The following RPS6KC1 variants were observed in gnomAD, a reference collection of about 807,000 sequenced individuals.
The protein encoded by RPS6KC1 is ribosomal protein S6 kinase C1.
RPS6KC1 carries 54 observed loss-of-function variants against 103.8 expected under a neutral mutation model. The ratio of observed to expected loss-of-function variants is 0.52; its 90% CI spans 0.42 to 0.65. RPS6KC1 has a LOEUF of 0.65. Ranked by LOEUF, RPS6KC1 falls within the 30% of genes least tolerant of loss-of-function variation. The pLI, the probability that RPS6KC1 is intolerant of heterozygous loss-of-function variation, is 0.00. For synonymous variants in RPS6KC1, 439 were observed against 438.7 expected, an observed-to-expected ratio of 1.00 and a Z score of -0.01; for missense variants, 1,151 against 1,253.8, an observed-to-expected ratio of 0.92 and a Z score of 1.24.
chr1:213,390,542 TA>T, the RPS6KC1 span, among the ~76,000 whole-genome samples: 1 of 152,206 alleles, frequency 6.6e-6, no homozygotes, highest in Admixed American at 6.5e-5. Context: ...AAGAGTTTGC[TA>T]TTTGCAAAAC....
At chr1:213,360,864 A>T in the RPS6KC1 span, among the ~76,000 whole-genome samples, 21 of 152,246 alleles carry the variant, frequency 1.4e-4, no homozygotes, top group Middle Eastern at 3.2e-3. Context: ...CGGAGGCTGC[A>T]GAACAGCGAA....
chr1:213,417,459 C>T, the RPS6KC1 span, among the ~76,000 whole-genome samples: 1 of 152,148 alleles, frequency 6.6e-6, no homozygotes, highest in East Asian at 1.9e-4. Context: ...TTGCATCGAG[C>T]TTCCTTTTGT....
At chr1:213,648,691 G>A in the RPS6KC1 span, among the ~76,000 whole-genome samples, 1 of 151,954 alleles carries the variant, frequency 6.6e-6, no homozygotes, top group African/African-American at 2.4e-5. Flanking sequence ...TCATGGGGAT[G>A]GGCCATCTCC....
At chr1:213,380,283 A>G in the RPS6KC1 span, among the ~76,000 whole-genome samples, 5 of 152,214 alleles carry the variant, frequency 3.3e-5, no homozygotes, top group South Asian at 2.1e-4. Flanking sequence ...ATGCGAACAC[A>G]TGGACACAGC....
At chr1:213,214,198 G>C (rs1295630192) in intron 8 of RPS6KC1, among the ~76,000 whole-genome samples, 1 of 152,242 alleles carries the variant, frequency 6.6e-6, no homozygotes, top group African/African-American at 2.4e-5. Context: ...CTTTTCCAAC[G>C]GTCTTAGCAA....
chr1:213,850,480 A>G, the RPS6KC1 span, among the ~76,000 whole-genome samples: 4 of 152,174 alleles, frequency 2.6e-5, no homozygotes, highest in African/African-American at 9.7e-5. Context: ...ACCCTGCTAC[A>G]CAGGACACTA....
rs192032995 is a variant in RPS6KC1 at position 213,073,773 on chromosome 1, T to G, written c.141+2732T>G. ...TCACTGCAACCTCGGCCTCCCGGGC[T>G]CAAGTGATTCTCCTGCCTCAGCCTC... On this transcript the variant is annotated intron_variant, in intron 2 of 14. Coordinates refer to ENST00000366960, the MANE Select transcript of RPS6KC1 (RefSeq NM_012424.6). 2.2e-3 allele frequency among the ~76,000 whole-genome samples: 328 copies of G among 152,248 alleles called. 6 individuals carry two copies. The highest frequency in any genetic ancestry group is 2.7e-3 in the Non-Finnish European group (184 of 68,004).
At chr1:213,221,910 T>C (rs2093842301) in intron 8 of RPS6KC1, among the ~76,000 whole-genome samples, 1 of 152,238 alleles carries the variant, frequency 6.6e-6, no homozygotes, top group African/African-American at 2.4e-5. Context: ...AATCTTCATA[T>C]AATTCTGGTA....
At chr1:213,793,726 G>A in the RPS6KC1 span, among the ~76,000 whole-genome samples, 1 of 152,298 alleles carries the variant, frequency 6.6e-6, no homozygotes, top group East Asian at 1.9e-4. Context: ...CGCCTCGCCA[G>A]TAAATTTTTA....
chr1:213,385,601 T>C, the RPS6KC1 span, among the ~76,000 whole-genome samples: 3 of 152,226 alleles, frequency 2.0e-5, no homozygotes, highest in African/African-American at 7.2e-5. Context: ...AGGATGCATA[T>C]GTCCTGTGTG....
the RPS6KC1 span, among the ~76,000 whole-genome samples, chr1:213,443,193 T>C: frequency 6.6e-6 from 1 of 152,220 alleles, no homozygotes; most frequent in African/African-American, 2.4e-5. Flanking sequence ...TTTTCTAGGC[T>C]ATGACGATGG....
the RPS6KC1 span, among the ~76,000 whole-genome samples, chr1:213,625,596 C>T: frequency 6.6e-6 from 1 of 152,202 alleles, no homozygotes; most frequent in Admixed American, 6.5e-5. Context: ...GACCCCACAA[C>T]AGTCCCCGGT....
chr1:213,051,594 T>A, intron 1 of RPS6KC1, 85 bp downstream of exon 1: 1 of 985,082 alleles, frequency 1.0e-6, no homozygotes, highest in East Asian at 2.7e-5. Flanking sequence ...GGTACCTGAC[T>A]CTGGCTCAGA....
At chr1:213,706,118 C>A in the RPS6KC1 span, among the ~76,000 whole-genome samples, 1 of 152,142 alleles carries the variant, frequency 6.6e-6, no homozygotes, top group Non-Finnish European at 1.5e-5. Flanking sequence ...CCTATGGCCC[C>A]CAGTCCACTA....
chr1:213,529,015 T>C, the RPS6KC1 span, among the ~76,000 whole-genome samples: 1 of 152,180 alleles, frequency 6.6e-6, no homozygotes, highest in African/African-American at 2.4e-5. Flanking sequence ...GACTATGGGC[T>C]AGACATTAGG....
At chr1:213,541,063 C>T in the RPS6KC1 span, among the ~76,000 whole-genome samples, 5 of 132,350 alleles carry the variant, frequency 3.8e-5, no homozygotes, top group South Asian at 7.7e-4. Flanking sequence ...ACTGAAGTTT[C>T]GAACCCTCAA....
the RPS6KC1 span, among the ~76,000 whole-genome samples, chr1:213,758,711 T>C: frequency 6.6e-6 from 1 of 152,148 alleles, no homozygotes; most frequent in African/African-American, 2.4e-5. Flanking sequence ...GTGGAGGAAG[T>C]AACAGCAGAT....
the RPS6KC1 span, among the ~76,000 whole-genome samples, chr1:213,478,930 G>A: frequency 5.9e-5 from 9 of 151,830 alleles, no homozygotes; most frequent in South Asian, 8.3e-4. Context: ...CAGTCTAGAC[G>A]TTTAAATATT....
intron 8 of RPS6KC1, among the ~76,000 whole-genome samples, chr1:213,194,723 G>A (rs540163672): frequency 3.9e-5 from 6 of 152,300 alleles, no homozygotes; most frequent in African/African-American, 1.4e-4. Context: ...TCTAGGTTGC[G>A]TGCTGCTTAT....
Sources: allele counts gnomAD v4.1 joint callset (sites outside exome capture counted in the v4.1 genomes callset), GRCh38; gene constraint gnomAD v4.1.1; transcripts MANE v1.5; gene names NCBI Gene and HGNC (gene_info 2026-07-23, HGNC 2026-07-21).